Variants in FOXN3 observed in about 807,000 individuals in gnomAD.
The protein encoded by FOXN3 is forkhead box N3.
Under a neutral mutation model 38.4 loss-of-function variants are expected in FOXN3, and 7 were observed. The ratio of observed to expected loss-of-function variants is 0.18; its 90% CI spans 0.10 to 0.34. The LOEUF is 0.34. Ranked by LOEUF, FOXN3 falls within the 10% of genes least tolerant of loss-of-function variation. The probability of loss-of-function intolerance (pLI) is 1.00; values close to 1 mark genes in which losing one functional copy is unlikely to be tolerated. For missense variants in FOXN3, 456 were observed against 613.4 expected, an observed-to-expected ratio of 0.74 and a Z score of 2.71; for synonymous variants, 230 against 242.2, an observed-to-expected ratio of 0.95 and a Z score of 0.47.
At chr14:89,422,025 C>T (rs1432618380), upstream of FOXN3, among the ~76,000 whole-genome samples, 9 of 152,124 alleles carry the variant, frequency 5.9e-5, no homozygotes, top group African/African-American at 2.2e-4. Context: ...ACTACAGGCG[C>T]ATGCCACCAT....
chr14:89,539,264 T>A (rs938464949), intron 1 of FOXN3, among the ~76,000 whole-genome samples: 1 of 152,216 alleles, frequency 6.6e-6, no homozygotes, highest in Non-Finnish European at 1.5e-5. Flanking sequence ...GGTTATGTAG[T>A]CAAATGGAAA....
chr14:89,261,313 T>C (rs1456052889), intron 4 of FOXN3, among the ~76,000 whole-genome samples: 1 of 152,116 alleles, frequency 6.6e-6, no homozygotes, highest in Non-Finnish European at 1.5e-5. Flanking sequence ...TCCCAATTCA[T>C]AGATAGAGAC....
chr14:89,381,311 T>G (rs183847045), intron 2 of FOXN3, among the ~76,000 whole-genome samples: 1 of 152,134 alleles, frequency 6.6e-6, no homozygotes, highest in African/African-American at 2.4e-5. Flanking sequence ...CAGGATTCCT[T>G]GGGTGACTCA....
chr14:89,187,619 G>T (rs894535009), intron 4 of FOXN3, among the ~76,000 whole-genome samples: 5 of 152,178 alleles, frequency 3.3e-5, no homozygotes, highest in Admixed American at 1.3e-4. Context: ...AGAAGGCAAA[G>T]GACTGCCTCA....
At chr14:89,571,015 A>G (rs1365852288) in intron 1 of FOXN3, among the ~76,000 whole-genome samples, 2 of 152,236 alleles carry the variant, frequency 1.3e-5, no homozygotes, top group Non-Finnish European at 2.9e-5. Flanking sequence ...AGAAAGGAGC[A>G]CTAAGTAGCT....
Position 89,297,706 on chromosome 14 carries a change from G to A in FOXN3, c.681-16692C>T, listed in dbSNP as rs565694516. ...AGAAACATTATTCACATCTGGGTGC[G>A]ATGGCTCACGCCTATAATCCCAGCA... is the stretch of plus-strand genomic sequence containing the variant. On this transcript the variant is annotated intron_variant, in intron 3 of 5. Transcript: ENST00000557258. 7.8e-4 allele frequency among the ~76,000 whole-genome samples: 119 copies of A among 152,318 alleles called. 2 individuals carry two copies. The South Asian group carries it at 0.022, about 28-fold the overall frequency.
In FOXN3 at chr14:89,258,671, G is replaced by C. The variant is rs1235440766; in HGVS notation, c.745+22279C>G. Among the ~76,000 whole-genome samples, 4 of 152,148 alleles carry C rather than the reference G, an allele frequency of 2.6e-5. No homozygotes were observed. The East Asian group carries it at 5.8e-4, about 22-fold the overall frequency. On this transcript the variant is annotated intron_variant, in intron 4 of 5. Transcript: ENST00000557258. ...ATAAATGTAACTAATAGTTACAGTG[G>C]TCCCAATTAAAGATATATTCAATGC...
At chr14:89,392,920 C>T (rs532825367) in intron 2 of FOXN3, among the ~76,000 whole-genome samples, 1 of 151,948 alleles carries the variant, frequency 6.6e-6, no homozygotes, top group South Asian at 2.1e-4. Flanking sequence ...GATTCTTCTG[C>T]CTCAGCCTCC....
intron 1 of FOXN3, among the ~76,000 whole-genome samples, chr14:89,530,060 C>G (rs369075709): frequency 2.2e-4 from 34 of 152,100 alleles, no homozygotes; most frequent in African/African-American, 7.0e-4. Context: ...CTGCCTCAGC[C>G]TCCTGAGTAG....
intron 3 of FOXN3, among the ~76,000 whole-genome samples, chr14:89,340,753 G>A (rs1480466389): frequency 6.6e-6 from 1 of 151,944 alleles, no homozygotes; most frequent in Admixed American, 6.6e-5. Flanking sequence ...ATGATCTTCT[G>A]CTTGGCAAAA....
At chr14:89,190,455 A>G in intron 4 of FOXN3, 1 of 1,612,962 alleles carries the variant, frequency 6.2e-7, no homozygotes, top group South Asian at 1.1e-5. Flanking sequence ...AGGATCTGGA[A>G]AAATCAACCA....
At chr14:89,229,187 T>C (rs1355238854) in intron 4 of FOXN3, among the ~76,000 whole-genome samples, 1 of 151,976 alleles carries the variant, frequency 6.6e-6, no homozygotes, top group Non-Finnish European at 1.5e-5. Context: ...GAGGTCTGAG[T>C]GGTAGCTGCA....
At chr14:89,354,723 T>G (rs1178433216) in intron 2 of FOXN3, among the ~76,000 whole-genome samples, 2 of 151,218 alleles carry the variant, frequency 1.3e-5, no homozygotes, top group African/African-American at 2.4e-5. Context: ...GGTTTTGTGG[T>G]GGGTGCCTGT....
chr14:89,256,513 C>T (rs988995672), intron 4 of FOXN3, among the ~76,000 whole-genome samples: 7 of 152,168 alleles, frequency 4.6e-5, no homozygotes, highest in African/African-American at 1.4e-4. Flanking sequence ...AGATGTTTAA[C>T]GCTGGCTCCC....
At chr14:89,401,774 A>G (rs1891254357) in intron 2 of FOXN3, 1 of 407,572 alleles carries the variant, frequency 2.5e-6, no homozygotes, top group African/African-American at 2.1e-5. Context: ...GAGGACAGTC[A>G]CAGCCTTCTA....
chr14:89,230,634 T>C (rs564260908), intron 4 of FOXN3: 7 of 235,594 alleles, frequency 3.0e-5, no homozygotes, highest in Non-Finnish European at 6.2e-5. Flanking sequence ...TATTGTTTCT[T>C]GTCTATCTCA....
Position 89,302,519 on chromosome 14 carries a change from G to A in FOXN3, c.681-21505C>T, listed in dbSNP as rs549757915. ...ACAATTGAAGCTTTAAACATAACCC[G>A]AAAAACCTTAGCCTCCTGAAACCTT... On this transcript the variant is annotated intron_variant, in intron 3 of 5. Transcript: ENST00000557258. 1.1e-4 allele frequency among the ~76,000 whole-genome samples: 16 copies of A among 152,232 alleles called. No individual in the cohort carries two copies. The East Asian group carries it at 1.9e-3, about 18-fold the overall frequency.
chr14:89,186,152 C>A (rs1268229593), intron 4 of FOXN3, among the ~76,000 whole-genome samples: 1 of 152,166 alleles, frequency 6.6e-6, no homozygotes, highest in East Asian at 1.9e-4. Context: ...CTAAAGTCAG[C>A]CTTTCCACCT....
At chr14:89,387,871 G>A (rs1350084877) in intron 2 of FOXN3, among the ~76,000 whole-genome samples, 1 of 152,186 alleles carries the variant, frequency 6.6e-6, no homozygotes, top group East Asian at 1.9e-4. Flanking sequence ...ACACTACAGA[G>A]AAGCAACATG....
Sources: gnomAD v4.1 joint callset for allele counts (sites outside exome capture counted in the v4.1 genomes callset) on GRCh38, gnomAD v4.1.1 for gene constraint, MANE v1.5 for transcripts, NCBI Gene and HGNC (gene_info 2026-07-23, HGNC 2026-07-21) for gene names.